Variants in YEATS4 observed in about 807,000 individuals in gnomAD.
YEATS4 encodes YEATS domain-containing protein 4.
In YEATS4, 17 loss-of-function variants were observed where a neutral mutation model predicts 30.1. The observed-to-expected ratio is 0.56, with a 90% CI of 0.39 to 0.85. The LOEUF (loss-of-function observed/expected upper bound fraction) is 0.85, where lower values mean the gene tolerates loss of function less well. YEATS4 is among the 40% of genes least tolerant of loss of function. YEATS4 has a pLI of 0.00. For missense variants in YEATS4, 142 were observed against 268.3 expected, an observed-to-expected ratio of 0.53 and a Z score of 3.29; for synonymous variants, 85 against 87.5, an observed-to-expected ratio of 0.97 and a Z score of 0.16.
At chr12:69,376,359 C>G (rs1592854265) in intron 6 of YEATS4, among the ~76,000 whole-genome samples, 1 of 152,322 alleles carries the variant, frequency 6.6e-6, no homozygotes, top group African/African-American at 2.4e-5. Context: ...GAGTGAGACT[C>G]TCTCTCAGAA....
At chr12:69,404,851 G>C in the YEATS4 span, among the ~76,000 whole-genome samples, 1 of 152,158 alleles carries the variant, frequency 6.6e-6, no homozygotes, top group Non-Finnish European at 1.5e-5. Context: ...GATTAGACTT[G>C]GGTGGGTGCT....
In YEATS4 at chr12:69,390,816, T is replaced by C. The variant is rs574845964; in HGVS notation, c.*500T>C. On this transcript the variant is annotated 3_prime_UTR_variant, in exon 7 of 7. Transcript: ENST00000247843. ...ATCCTATTTCTCCCTCCTGATGTGT[T>C]TCTTCCTCTTTGAAGACTTTCTGGA... 1 of 152,382 alleles carries C rather than the reference T, an allele frequency of 6.6e-6. No homozygotes were observed. The highest frequency in any genetic ancestry group is 6.5e-5 in the Admixed American group (1 of 15,306). 9.4% of individuals were successfully genotyped at this position (152,382 alleles called of 1,614,324 possible). A position where few individuals can be genotyped will look rare whatever the true frequency, so the allele number is the denominator to read the frequency against.
the YEATS4 span, among the ~76,000 whole-genome samples, chr12:69,419,671 G>GT: frequency 6.6e-6 from 1 of 152,168 alleles, no homozygotes; most frequent in East Asian, 1.9e-4. Flanking sequence ...AGGAAAGAAA[G>GT]TCATGTGTTG....
chr12:69,400,395 A>C, the YEATS4 span, among the ~76,000 whole-genome samples: 1 of 152,100 alleles, frequency 6.6e-6, no homozygotes, highest in Non-Finnish European at 1.5e-5. Context: ...AGAAATATTT[A>C]TTGTGTGTAT....
chr12:69,377,597 G>C (rs561495961), intron 6 of YEATS4, among the ~76,000 whole-genome samples: 1 of 152,152 alleles, frequency 6.6e-6, no homozygotes, highest in Admixed American at 6.5e-5. Flanking sequence ...TTGACCCACT[G>C]GTCATTCAGA....
chr12:69,373,531 C>A (rs1875727832), intron 6 of YEATS4, among the ~76,000 whole-genome samples: 1 of 152,116 alleles, frequency 6.6e-6, no homozygotes, highest in Non-Finnish European at 1.5e-5. Context: ...ATTATTAATT[C>A]TTTGACAGAT....
chr12:69,376,232 G>A (rs1875867907), intron 6 of YEATS4, among the ~76,000 whole-genome samples: 1 of 152,184 alleles, frequency 6.6e-6, no homozygotes, highest in Non-Finnish European at 1.5e-5. Flanking sequence ...CGAGCATGGT[G>A]GCATGTGCCT....
Position 69,370,817 on chromosome 12 carries a change from G to A in YEATS4, c.426+19G>A. The A allele has an allele frequency of 1.3e-6, 2 of 1,593,932 alleles. No individual in the cohort carries two copies. The highest frequency in any genetic ancestry group is 1.7e-6 in the Non-Finnish European group (2 of 1,173,302). The stretch of plus-strand genomic sequence containing the variant: ...TGAAATGGTAAGAAGATTTTATAAT[G>A]ATAGTTTTAAAAGCATTTGAAGTTG... On this transcript the variant is annotated intron_variant, in intron 5 of 6. Coordinates refer to ENST00000247843, the MANE Select transcript of YEATS4 (RefSeq NM_006530.4).
chr12:69,426,767 A>T, the YEATS4 span, among the ~76,000 whole-genome samples: 5 of 152,178 alleles, frequency 3.3e-5, no homozygotes, highest in African/African-American at 1.2e-4. Context: ...CTATGGGGGC[A>T]TTTTGTGAAA....
the YEATS4 span, among the ~76,000 whole-genome samples, chr12:69,399,155 A>C: frequency 6.6e-6 from 1 of 151,956 alleles, no homozygotes; most frequent in Non-Finnish European, 1.5e-5. Context: ...CCCCCCAAAA[A>C]AACAAACAAA....
chr12:69,411,133 TG>T, the YEATS4 span, among the ~76,000 whole-genome samples: 6 of 152,194 alleles, frequency 3.9e-5, no homozygotes, highest in South Asian at 1.0e-3. Flanking sequence ...TTTTTGTTGT[TG>T]TTAGTTTGTT....
At chr12:69,394,141 A>C (rs932907851), downstream of YEATS4, among the ~76,000 whole-genome samples, 5 of 152,232 alleles carry the variant, frequency 3.3e-5, no homozygotes, top group East Asian at 9.6e-4. Context: ...AGTTCAGAGT[A>C]CAATAGTAAA....
chr12:69,366,072 A>G lies in YEATS4; in HGVS notation c.333+188A>G, dbSNP rs374068973. The stretch of plus-strand genomic sequence containing the variant: ...TTCAAAATCCTTTTTTTTTTCAAGT[A>G]TGGAAAAAAACATATAATATGAACA... On this transcript the variant is annotated intron_variant, in intron 4 of 6. Coordinates refer to ENST00000247843, the MANE Select transcript of YEATS4 (RefSeq NM_006530.4). 2.6e-5 allele frequency among the ~76,000 whole-genome samples: 4 copies of G among 151,406 alleles called. No individual in the cohort carries two copies. The East Asian group carries it at 5.8e-4, about 22-fold the overall frequency.
At chr12:69,388,128 T>C (rs1366959789) in intron 6 of YEATS4, among the ~76,000 whole-genome samples, 2 of 151,984 alleles carry the variant, frequency 1.3e-5, no homozygotes, top group Non-Finnish European at 2.9e-5. Flanking sequence ...GGGCGCGATC[T>C]CGGCTCACTG....
the YEATS4 span, among the ~76,000 whole-genome samples, chr12:69,419,773 A>G: frequency 1.3e-5 from 2 of 152,258 alleles, no homozygotes; most frequent in African/African-American, 4.8e-5. Context: ...CTGGGCATAA[A>G]TACAATGCAA....
intron 4 of YEATS4, among the ~76,000 whole-genome samples, chr12:69,366,923 C>A (rs1314756522): frequency 6.6e-6 from 1 of 152,140 alleles, no homozygotes; most frequent in Non-Finnish European, 1.5e-5. Context: ...AATTCAAGCT[C>A]CTAGGCCTCA....
At chr12:69,412,930 C>A in the YEATS4 span, among the ~76,000 whole-genome samples, 1 of 151,844 alleles carries the variant, frequency 6.6e-6, no homozygotes, top group African/African-American at 2.4e-5. Flanking sequence ...GGAAAGAATG[C>A]AGCGGTGGAA....
intron 6 of YEATS4, among the ~76,000 whole-genome samples, chr12:69,377,359 C>G (rs771863682): frequency 1.3e-5 from 2 of 152,130 alleles, no homozygotes; most frequent in African/African-American, 2.4e-5. Context: ...TTTCCATTAT[C>G]TGTTTCAATA....
At chr12:69,403,173 CA>C in the YEATS4 span, among the ~76,000 whole-genome samples, 2 of 152,196 alleles carry the variant, frequency 1.3e-5, no homozygotes, top group Admixed American at 1.3e-4. Flanking sequence ...TAAGAATCAC[CA>C]ACCCCAAGGG....
Sources: gnomAD v4.1 joint callset for allele counts (sites outside exome capture counted in the v4.1 genomes callset) on GRCh38, gnomAD v4.1.1 for gene constraint, MANE v1.5 for transcripts, NCBI Gene and HGNC (gene_info 2026-07-23, HGNC 2026-07-21) for gene names.